Variants in SMAP2 observed in about 807,000 individuals in gnomAD.
SMAP2 encodes small ArfGAP2.
Under a neutral mutation model 56.4 loss-of-function variants are expected in SMAP2, and 25 were observed. The observed-to-expected ratio is 0.44, with a 90% CI of 0.32 to 0.62. The LOEUF is 0.62. SMAP2 is among the 20% of genes least tolerant of loss of function. SMAP2 has a pLI of 0.04. For missense variants in SMAP2, 388 were observed against 545.6 expected, an observed-to-expected ratio of 0.71 and a Z score of 2.88; for synonymous variants, 157 against 181.7, an observed-to-expected ratio of 0.86 and a Z score of 1.09.
intron 7 of SMAP2, 21 bp from the exon 8 acceptor site, chr1:40,416,155 C>G: frequency 2.5e-6 from 4 of 1,608,740 alleles, no homozygotes; most frequent in Non-Finnish European, 3.4e-6. Flanking sequence ...TCAATTCTCC[C>G]CCCGCCCTCT....
chr1:40,348,063 G>C (rs1041134786), intron 1 of SMAP2, among the ~76,000 whole-genome samples: 2 of 152,226 alleles, frequency 1.3e-5, no homozygotes, highest in South Asian at 2.1e-4. Context: ...TCAGGAGGTC[G>C]AGGCAGGCAG....
At chr1:40,359,250 G>A (rs1032647158) in intron 1 of SMAP2, among the ~76,000 whole-genome samples, 5 of 152,058 alleles carry the variant, frequency 3.3e-5, no homozygotes, top group East Asian at 3.9e-4. Flanking sequence ...CTACAAGTGC[G>A]TGCCACCATG....
chr1:40,406,099 G>A (rs1230534146), intron 1 of SMAP2, among the ~76,000 whole-genome samples: 1 of 152,076 alleles, frequency 6.6e-6, no homozygotes, highest in African/African-American at 2.4e-5. Context: ...TTTTTTCCTG[G>A]TAGGAAAACC....
At position 40,390,793 on chromosome 1, in the gene SMAP2, GCCTTAGTTT is replaced by G. The variant is rs1203713455; in HGVS notation, c.104-15941_104-15933del. Reference sequence around the variant, plus strand: ...TGGGCAAATGACTTGACCTCTCTAGGCCTTAGTTTCTCCAACTGTGCTTAGACTAGATCA... The same window carrying G: ...TGGGCAAATGACTTGACCTCTCTAGGCTCCAACTGTGCTTAGACTAGATCA... On this transcript the variant is annotated intron_variant, in intron 1 of 9. Transcript: ENST00000372718. 1.3e-5 allele frequency among the ~76,000 whole-genome samples: 2 copies of G among 152,026 alleles called. 1 individual carries two copies. The highest frequency in any genetic ancestry group is 3.9e-4 in the East Asian group (2 of 5,178).
intron 1 of SMAP2, among the ~76,000 whole-genome samples, chr1:40,352,848 G>A (rs1325556445): frequency 6.6e-6 from 1 of 152,092 alleles, no homozygotes; most frequent in Non-Finnish European, 1.5e-5. Context: ...ATTTTTGATG[G>A]GAAAGGATTA....
intron 1 of SMAP2, among the ~76,000 whole-genome samples, chr1:40,356,566 A>G (rs1466791917): frequency 3.3e-5 from 5 of 151,878 alleles, no homozygotes; most frequent in Non-Finnish European, 7.4e-5. Context: ...ACCTGCCACC[A>G]TGCCCAGCTA....
chr1:40,399,708 AAAAAAAG>A (rs1034033516), intron 1 of SMAP2, among the ~76,000 whole-genome samples: 17 of 143,648 alleles, frequency 1.2e-4, no homozygotes, highest in Admixed American at 2.2e-4. Context: ...TCTCAAAAAA[AAAAAAAG>A]AAAAGAAAAG....
At chr1:40,348,407 A>C (rs1023381545) in intron 1 of SMAP2, among the ~76,000 whole-genome samples, 3 of 152,138 alleles carry the variant, frequency 2.0e-5, no homozygotes, top group Non-Finnish European at 4.4e-5. Context: ...TTGAAATATA[A>C]TTTTAGGCCA....
At chr1:40,395,149 G>T (rs1557435797) in intron 1 of SMAP2, among the ~76,000 whole-genome samples, 1 of 152,138 alleles carries the variant, frequency 6.6e-6, no homozygotes, top group African/African-American at 2.4e-5. Flanking sequence ...TTTGAATGGG[G>T]TGATGACATT....
intron 1 of SMAP2, among the ~76,000 whole-genome samples, chr1:40,401,275 C>T (rs1171809399): frequency 6.6e-6 from 1 of 152,046 alleles, no homozygotes; most frequent in Non-Finnish European, 1.5e-5. Flanking sequence ...AACAAACAAA[C>T]ACACACAAAA....
At chr1:40,384,670 G>C (rs562348065) in intron 1 of SMAP2, among the ~76,000 whole-genome samples, 16 of 152,304 alleles carry the variant, frequency 1.1e-4, no homozygotes, top group Non-Finnish European at 2.1e-4. Context: ...AAGGACTCTC[G>C]TTGTTTGAGT....
chr1:40,388,706 G>C (rs1378235782), intron 1 of SMAP2, among the ~76,000 whole-genome samples: 1 of 152,324 alleles, frequency 6.6e-6, no homozygotes, highest in East Asian at 1.9e-4. Context: ...GGCCAGATAA[G>C]AGAATAAAAG....
chr1:40,416,929 A>G lies in SMAP2; in HGVS notation c.997A>G (p.Met333Val), dbSNP rs145218537. The change falls in exon 9 of 10, where the codon ATG becomes GTG. Residue 333 changes from methionine to valine, a missense_variant. By Grantham distance (21) the Met-to-Val change is conservative. Coordinates refer to ENST00000372718, the MANE Select transcript of SMAP2 (RefSeq NM_022733.3). ...QPGASGMVAP[M>V]AMPAGYMGGM... The stretch of plus-strand genomic sequence containing the variant: ...AGGAGCTTCTGGGATGGTTGCCCCC[A>G]TGGCCATGCCTGCAGGCTATATGGG... 50 of 1,614,074 alleles carry G rather than the reference A, an allele frequency of 3.1e-5. No individual in the cohort carries two copies. The highest frequency in any genetic ancestry group is 5.3e-5 in the African/African-American group (4 of 74,932).
Position 40,416,833 on chromosome 1 carries a change from C to T in SMAP2, c.901C>T (p.Pro301Ser). The change falls in exon 9 of 10, where the codon CCC becomes TCC. Residue 301 changes from proline to serine, a missense_variant. Physicochemically the swap from Pro to Ser is moderately conservative, Grantham distance 74. Transcript: ENST00000372718. ...ATATCCCACAGCCTACCCCAGCTTC[C>T]CCGGGGTTACACCTCCTAACAGCAT... ...MAYPTAYPSF[P>S]GVTPPNSIMG... The T allele has an allele frequency of 6.2e-7, 1 of 1,612,170 alleles. No individual in the cohort carries two copies. The highest frequency in any genetic ancestry group is 8.5e-7 in the Non-Finnish European group (1 of 1,178,344).
In SMAP2 at chr1:40,414,189, C is replaced by T. The variant is rs778941453; in HGVS notation, c.520C>T (p.Arg174Trp). Reference protein sequence around the residue: ...PQKKEDPQLPRKSSPKSTAPV... With the variant: ...PQKKEDPQLPWKSSPKSTAPV... ...GAAAAAAGAAGACCCACAGCTACCT[C>T]GGAAAAGCTCCCCGAAATCCACAGC... Residue 174 changes from arginine to tryptophan, a missense_variant, in exon 6 of 10, where the codon CGG becomes TGG. Arg to Trp is a moderately radical substitution (Grantham distance 101). Coordinates refer to ENST00000372718, the MANE Select transcript of SMAP2 (RefSeq NM_022733.3). 3 of 1,614,072 alleles carry T rather than the reference C, an allele frequency of 1.9e-6. No individual in the cohort carries two copies. The highest frequency in any genetic ancestry group is 2.2e-5 in the East Asian group (1 of 44,902).
chr1:40,394,896 C>G (rs990026264), intron 1 of SMAP2, among the ~76,000 whole-genome samples: 3 of 152,106 alleles, frequency 2.0e-5, no homozygotes, highest in African/African-American at 7.2e-5. Flanking sequence ...TGTATCCCAT[C>G]CCCAAATCAG....
At chr1:40,393,207 TC>T in intron 1 of SMAP2, 1 of 963,128 alleles carries the variant, frequency 1.0e-6, no homozygotes, top group Non-Finnish European at 1.5e-6. Context: ...ATGCCTGTAG[TC>T]CCAGCTACTC....
chr1:40,355,133 T>C (rs1415113091), intron 1 of SMAP2, among the ~76,000 whole-genome samples: 1 of 152,100 alleles, frequency 6.6e-6, no homozygotes, highest in Non-Finnish European at 1.5e-5. Context: ...ATGCTGATAC[T>C]GATAAAGAAT....
intron 1 of SMAP2, among the ~76,000 whole-genome samples, chr1:40,399,688 T>G (rs1644811290): frequency 8.6e-6 from 1 of 116,076 alleles, no homozygotes; most frequent in African/African-American, 3.5e-5. Context: ...GGTGAGAGAG[T>G]AAGACCCTGT....
Sources: allele counts gnomAD v4.1 joint callset (sites outside exome capture counted in the v4.1 genomes callset), GRCh38; gene constraint gnomAD v4.1.1; transcripts MANE v1.5; gene names NCBI Gene and HGNC (gene_info 2026-07-23, HGNC 2026-07-21).